Variants in GRM5 observed in about 807,000 individuals in gnomAD.
GRM5 encodes the protein metabotropic glutamate receptor 5.
Under a neutral mutation model 83.1 loss-of-function variants are expected in GRM5, and 19 were observed. That is an observed-to-expected ratio of 0.23 (90% confidence interval 0.16 to 0.34). The LOEUF (loss-of-function observed/expected upper bound fraction) is 0.34, where lower values mean the gene tolerates loss of function less well. Among genes scored for constraint, GRM5 ranks in the 10% least tolerant of loss-of-function variants. The probability of loss-of-function intolerance (pLI) is 1.00; values close to 1 mark genes in which losing one functional copy is unlikely to be tolerated. For synonymous variants in GRM5, 675 were observed against 633.6 expected (o/e 1.07, Z -0.98); for missense variants, 1,160 against 1,588.3 (o/e 0.73, Z 4.58).
At chr11:88,843,168 C>A (rs1183110268) in intron 3 of GRM5, among the ~76,000 whole-genome samples, 1 of 152,178 alleles carries the variant, frequency 6.6e-6, no homozygotes, top group African/African-American at 2.4e-5. Context: ...TTTCCAATGG[C>A]ATGGTCTCAT....
intron 4 of GRM5, among the ~76,000 whole-genome samples, chr11:88,608,815 C>T (rs920585508): frequency 3.3e-5 from 5 of 152,210 alleles, no homozygotes; most frequent in East Asian, 3.9e-4. Context: ...GCCACCGTGC[C>T]GAGCCCGGAT....
chr11:88,917,475 G>A (rs1044778584), intron 2 of GRM5, among the ~76,000 whole-genome samples: 3 of 152,070 alleles, frequency 2.0e-5, no homozygotes, highest in Admixed American at 1.3e-4. Flanking sequence ...AGGAAAACAT[G>A]ACTTTGCCAA....
At chr11:88,599,022 G>T (rs1438039089) in intron 5 of GRM5, among the ~76,000 whole-genome samples, 1 of 152,184 alleles carries the variant, frequency 6.6e-6, no homozygotes, top group Non-Finnish European at 1.5e-5. Context: ...CAAGTCTGCA[G>T]TTCCTTCTTC....
intron 2 of GRM5, among the ~76,000 whole-genome samples, chr11:88,931,403 A>G (rs1937700476): frequency 6.6e-6 from 1 of 150,796 alleles, no homozygotes; most frequent in Non-Finnish European, 1.5e-5. Flanking sequence ...ATTAAAATGA[A>G]CACAAAGATA....
At chr11:88,646,375 AC>A (rs56719976) in intron 4 of GRM5, among the ~76,000 whole-genome samples, 104,326 of 151,790 alleles carry the variant, frequency 0.69, 41,654 homozygotes, top group Non-Finnish European at 0.9. Flanking sequence ...TTTAAGTAAA[AC>A]ATACTGAAGT....
chr11:88,795,852 C>A (rs2135479926), intron 3 of GRM5, among the ~76,000 whole-genome samples: 1 of 152,240 alleles, frequency 6.6e-6, no homozygotes, highest in Admixed American at 6.5e-5. Context: ...TTAATAGTTG[C>A]ATATGTCCCT....
chr11:88,652,352 G>A (rs942052584), intron 4 of GRM5, among the ~76,000 whole-genome samples: 8 of 151,988 alleles, frequency 5.3e-5, no homozygotes, highest in Non-Finnish European at 8.8e-5. Flanking sequence ...TTGATAGACA[G>A]ATGATATAGA....
chr11:89,062,895 G>A (rs1299252840), intron 1 of GRM5, among the ~76,000 whole-genome samples: 1 of 152,236 alleles, frequency 6.6e-6, no homozygotes, highest in African/African-American at 2.4e-5. Context: ...TCATGCCCCC[G>A]CCGTGGGATA....
At chr11:88,766,337 C>T (rs1311715723) in intron 3 of GRM5, among the ~76,000 whole-genome samples, 9 of 151,864 alleles carry the variant, frequency 5.9e-5, no homozygotes, top group East Asian at 5.8e-4. Context: ...CAAAATGGCA[C>T]GGTACTGGTA....
chr11:88,706,604 T>A (rs3763964), intron 3 of GRM5, among the ~76,000 whole-genome samples: 1 of 152,060 alleles, frequency 6.6e-6, no homozygotes, highest in Non-Finnish European at 1.5e-5. Context: ...ATGATAGGTA[T>A]GAACCTGGAT....
chr11:88,742,859 T>C (rs1469382169), intron 3 of GRM5, among the ~76,000 whole-genome samples: 1 of 152,048 alleles, frequency 6.6e-6, no homozygotes, highest in Non-Finnish European at 1.5e-5. Context: ...TACAGAGTGT[T>C]GGTAGGCTCT....
chr11:88,772,654 G>C (rs1444796146), intron 3 of GRM5, among the ~76,000 whole-genome samples: 4 of 151,988 alleles, frequency 2.6e-5, no homozygotes, highest in Non-Finnish European at 4.4e-5. Context: ...CTGTGTCCAA[G>C]TGATCTCACT....
At chr11:88,545,521 A>C (rs940779630) in intron 8 of GRM5, among the ~76,000 whole-genome samples, 3 of 151,104 alleles carry the variant, frequency 2.0e-5, no homozygotes, top group Non-Finnish European at 4.4e-5. Context: ...ACATAATATA[A>C]ACATGTCCAA....
At chr11:88,731,397 C>A (rs979483206) in intron 3 of GRM5, among the ~76,000 whole-genome samples, 4 of 152,016 alleles carry the variant, frequency 2.6e-5, no homozygotes, top group Non-Finnish European at 5.9e-5. Flanking sequence ...TTTGGATACA[C>A]CTTAGACCTC....
At chr11:88,970,817 G>T (rs1249434016) in intron 2 of GRM5, among the ~76,000 whole-genome samples, 1 of 152,186 alleles carries the variant, frequency 6.6e-6, no homozygotes, top group Non-Finnish European at 1.5e-5. Context: ...AGTGGGCAGT[G>T]GTATGTAGGG....
chr11:88,531,783 GT>G (rs1159197281), intron 8 of GRM5, among the ~76,000 whole-genome samples: 3 of 152,032 alleles, frequency 2.0e-5, no homozygotes, highest in Non-Finnish European at 4.4e-5. Flanking sequence ...CCTGCTCCAG[GT>G]TTTGTTCTTT....
intron 2 of GRM5, among the ~76,000 whole-genome samples, chr11:88,962,267 C>A (rs186078745): frequency 0.017 from 2,556 of 152,196 alleles, 72 homozygotes; most frequent in African/African-American, 0.059. Flanking sequence ...TAGCCATCCA[C>A]CCACCTTTCC....
In GRM5 at chr11:88,996,644, A is replaced by G. The variant is rs370394483; in HGVS notation, c.661+50568T>C. The stretch of plus-strand genomic sequence containing the variant: ...AGACATAAAATCAGTAAGGATATAG[A>G]CAAACATATCTAGTAAAACATCTAA... On this transcript the variant is annotated intron_variant, in intron 2 of 9. Coordinates refer to ENST00000305447, the MANE Select transcript of GRM5 (RefSeq NM_001143831.3). Among the ~76,000 whole-genome samples, 33 of 152,352 alleles carry G rather than the reference A, an allele frequency of 2.2e-4. No homozygotes were observed. The East Asian group carries it at 3.9e-3, about 18-fold the overall frequency.
At chr11:88,517,137 ACACACAC>A (rs1941542697) in intron 9 of GRM5, among the ~76,000 whole-genome samples, 1 of 119,788 alleles carries the variant, frequency 8.3e-6, no homozygotes, top group Admixed American at 8.3e-5. Flanking sequence ...GTACACACAC[ACACACAC>A]ACACACACAC....
Sources: allele counts gnomAD v4.1 joint callset (sites outside exome capture counted in the v4.1 genomes callset), GRCh38; gene constraint gnomAD v4.1.1; transcripts MANE v1.5; gene names NCBI Gene and HGNC (gene_info 2026-07-23, HGNC 2026-07-21).